Variants in NR5A2 observed in about 807,000 individuals in gnomAD.
NR5A2 encodes the protein nuclear receptor subfamily 5 group A member 2, also known as CYP7A promoter-binding factor.
NR5A2 carries 26 observed loss-of-function variants against 62.7 expected under a neutral mutation model. That is an observed-to-expected ratio of 0.41 (90% CI 0.30 to 0.58). NR5A2 has a LOEUF of 0.58. Among genes scored for constraint, NR5A2 ranks in the 20% least tolerant of loss-of-function variants. The pLI, the probability that NR5A2 is intolerant of heterozygous loss-of-function variation, is 0.22. For synonymous variants in NR5A2, 246 were observed against 241.7 expected, an observed-to-expected ratio of 1.02 and a Z score of -0.16; for missense variants, 541 against 669.1, an observed-to-expected ratio of 0.81 and a Z score of 2.11.
At chr1:200,122,263 C>T (rs532584135) in intron 7 of NR5A2, among the ~76,000 whole-genome samples, 1 of 152,206 alleles carries the variant, frequency 6.6e-6, no homozygotes, top group South Asian at 2.1e-4. Context: ...AGGAAGATAG[C>T]AAGCATACGC....
chr1:200,142,684 A>G (rs1458250023), intron 7 of NR5A2, among the ~76,000 whole-genome samples: 1 of 152,078 alleles, frequency 6.6e-6, no homozygotes, highest in Non-Finnish European at 1.5e-5. Context: ...GCATGCCACC[A>G]TGTCTGTCTT....
intron 5 of NR5A2, chr1:200,057,566 C>T (rs1460285199): frequency 8.6e-6 from 3 of 348,194 alleles, no homozygotes; most frequent in East Asian, 2.6e-4. Context: ...GCAACCTCCA[C>T]CTCCTGCATT....
intron 7 of NR5A2, among the ~76,000 whole-genome samples, chr1:200,141,971 C>G (rs1397801737): frequency 5.3e-5 from 8 of 152,102 alleles, no homozygotes; most frequent in Non-Finnish European, 1.2e-4. Context: ...CTGCTATTCT[C>G]TTTTCATATG....
chr1:200,032,677 A>ATT (rs1285886708), intron 1 of NR5A2, among the ~76,000 whole-genome samples: 1 of 152,162 alleles, frequency 6.6e-6, no homozygotes, highest in Non-Finnish European at 1.5e-5. Flanking sequence ...ATATATATAT[A>ATT]TATATCCAGC....
intron 6 of NR5A2, among the ~76,000 whole-genome samples, chr1:200,114,977 T>C (rs1222533811): frequency 2.0e-5 from 3 of 152,366 alleles, no homozygotes; most frequent in East Asian, 1.9e-4. Flanking sequence ...TGACAGACTC[T>C]ATGGAAATTC....
At chr1:200,036,591 C>T (rs1283545189) in intron 1 of NR5A2, among the ~76,000 whole-genome samples, 1 of 152,190 alleles carries the variant, frequency 6.6e-6, no homozygotes, top group Non-Finnish European at 1.5e-5. Flanking sequence ...GGTTTGTGTG[C>T]CCTCGGGTCT....
intron 4 of NR5A2, among the ~76,000 whole-genome samples, chr1:200,046,787 G>A (rs571083211): frequency 1.1e-4 from 16 of 152,170 alleles, no homozygotes; most frequent in Non-Finnish European, 1.9e-4. Flanking sequence ...ATAAGTAAAT[G>A]TTGTGATTTT....
chr1:200,068,982 C>T (rs757552611), intron 5 of NR5A2, among the ~76,000 whole-genome samples: 1 of 152,144 alleles, frequency 6.6e-6, no homozygotes, highest in Non-Finnish European at 1.5e-5. Context: ...GACCCAGGGA[C>T]TATCAAGAAA....
At chr1:200,136,415 T>C (rs1667226489) in intron 7 of NR5A2, among the ~76,000 whole-genome samples, 1 of 152,212 alleles carries the variant, frequency 6.6e-6, no homozygotes, top group Non-Finnish European at 1.5e-5. Context: ...ACTCAGTATG[T>C]TCGATTATAA....
At chr1:200,046,468 G>A (rs74136122) in intron 4 of NR5A2, among the ~76,000 whole-genome samples, 3,016 of 152,114 alleles carry the variant, frequency 0.02, 88 homozygotes, top group African/African-American at 0.066. Flanking sequence ...AGATACAAGA[G>A]TGCATTTTAT....
chr1:200,134,399 T>TA (rs1667124921), intron 7 of NR5A2, among the ~76,000 whole-genome samples: 1 of 152,210 alleles, frequency 6.6e-6, no homozygotes, highest in African/African-American at 2.4e-5. Context: ...ACTGTATTTT[T>TA]ACTATACCTT....
intron 7 of NR5A2, among the ~76,000 whole-genome samples, chr1:200,143,247 A>T (rs1385319973): frequency 6.6e-6 from 1 of 152,050 alleles, no homozygotes; most frequent in Non-Finnish European, 1.5e-5. Flanking sequence ...GGCAAGTCCT[A>T]TATGGTGTTT....
chr1:200,034,574 T>G (rs920428049), intron 1 of NR5A2, among the ~76,000 whole-genome samples: 2 of 82,308 alleles, frequency 2.4e-5, no homozygotes, highest in African/African-American at 1.0e-4. Flanking sequence ...TCCTTTCCTC[T>G]GGGGCAAGGG....
chr1:200,037,671 A>C (rs1374575515), intron 1 of NR5A2, among the ~76,000 whole-genome samples: 1 of 152,204 alleles, frequency 6.6e-6, no homozygotes, highest in Non-Finnish European at 1.5e-5. Flanking sequence ...AGCTTTTGGC[A>C]ACTTCAGCCC....
At chr1:200,113,832 G>C (rs1666076975) in intron 6 of NR5A2, among the ~76,000 whole-genome samples, 1 of 152,110 alleles carries the variant, frequency 6.6e-6, no homozygotes. Flanking sequence ...TGGAAGGAAA[G>C]GAATATATTA....
intron 7 of NR5A2, among the ~76,000 whole-genome samples, chr1:200,129,978 A>G (rs1196492043): frequency 6.6e-6 from 1 of 152,158 alleles, no homozygotes; most frequent in Non-Finnish European, 1.5e-5. Flanking sequence ...GAAATACTGT[A>G]GACACAGTTT....
chr1:200,058,069 A>G (rs1313463928), intron 5 of NR5A2: 2 of 152,336 alleles, frequency 1.3e-5, no homozygotes, highest in African/African-American at 4.8e-5. Context: ...AAGTGCTGGG[A>G]TTACAGATGT....
intron 5 of NR5A2, among the ~76,000 whole-genome samples, chr1:200,104,330 T>C (rs1323581363): frequency 6.6e-6 from 1 of 152,214 alleles, no homozygotes; most frequent in Non-Finnish European, 1.5e-5. Flanking sequence ...AATCATTTTT[T>C]CTTGGACTTT....
At chr1:200,063,519 A>C (rs1053039636) in intron 5 of NR5A2, among the ~76,000 whole-genome samples, 1 of 152,140 alleles carries the variant, frequency 6.6e-6, no homozygotes, top group South Asian at 2.1e-4. Flanking sequence ...TTATTGAAGG[A>C]GTTTTATTTG....
Sources: gnomAD v4.1 joint callset for allele counts (sites outside exome capture counted in the v4.1 genomes callset) on GRCh38, gnomAD v4.1.1 for gene constraint, MANE v1.5 for transcripts, NCBI Gene and HGNC (gene_info 2026-07-23, HGNC 2026-07-21) for gene names.